Variants in GNG7 observed in about 807,000 individuals in gnomAD.
GNG7 encodes the protein guanine nucleotide-binding protein G(I)/G(S)/G(O) subunit gamma-7.
In GNG7, 1 loss-of-function variant was observed where a neutral mutation model predicts 4.0. The observed-to-expected ratio is 0.25, with a 90% CI of 0.09 to 1.18. The LOEUF (loss-of-function observed/expected upper bound fraction) is 1.18. GNG7 is among the 50% of genes most tolerant of loss of function. The pLI, the probability that GNG7 is intolerant of heterozygous loss-of-function variation, is 0.50. For synonymous variants in GNG7, 34 were observed against 36.9 expected (o/e 0.92, Z 0.29); for missense variants, 86 against 91.9 (o/e 0.94, Z 0.26).
chr19:2,538,637 A>G, intron 3 of GNG7: 1 of 439,584 alleles, frequency 2.3e-6, no homozygotes, highest in South Asian at 1.7e-5. Context: ...TCTTTAAAAA[A>G]ACACAATAGA....
intron 1 of GNG7, among the ~76,000 whole-genome samples, chr19:2,672,871 C>T (rs1408214731): frequency 1.3e-5 from 2 of 152,172 alleles, no homozygotes; most frequent in Admixed American, 1.3e-4. Context: ...GTGTTCTCCC[C>T]AGAGCCCTGA....
At chr19:2,518,745 G>T (rs1179670090) in intron 4 of GNG7, among the ~76,000 whole-genome samples, 1 of 152,128 alleles carries the variant, frequency 6.6e-6, no homozygotes, top group African/African-American at 2.4e-5. Context: ...TGATTTTATG[G>T]GTGCACTAGG....
At chr19:2,517,587 T>A (rs945727387) in intron 4 of GNG7, among the ~76,000 whole-genome samples, 17 of 151,874 alleles carry the variant, frequency 1.1e-4, no homozygotes, top group African/African-American at 3.9e-4. Flanking sequence ...CTGGTCTCAA[T>A]CTCCTGACCT....
chr19:2,673,028 G>A lies in GNG7; in HGVS notation c.-134-26748C>T, dbSNP rs928405209. On this transcript the variant is annotated intron_variant, in intron 1 of 4. Coordinates refer to ENST00000382159, the MANE Select transcript of GNG7 (RefSeq NM_052847.3). ...TCCCAGCACTTTGGGAGGCCGAGGCGGGCAGATCACAAGGTCAGGAGATCG... is the reference window on the plus strand; with the variant it reads ...TCCCAGCACTTTGGGAGGCCGAGGCAGGCAGATCACAAGGTCAGGAGATCG... 2.6e-5 allele frequency among the ~76,000 whole-genome samples: 4 copies of A among 151,760 alleles called. 1 individual carries two copies. Among genetic ancestry groups the A allele is most frequent in the Non-Finnish European group, 4.4e-5 (3 of 67,980 alleles).
At chr19:2,696,441 G>C (rs1028236644) in intron 1 of GNG7, among the ~76,000 whole-genome samples, 2 of 151,914 alleles carry the variant, frequency 1.3e-5, no homozygotes, top group Non-Finnish European at 2.9e-5. Context: ...AAGAAAGAAA[G>C]AGAAAGAAAG....
chr19:2,538,074 C>CAA (rs748916867), intron 3 of GNG7: 19 of 293,422 alleles, frequency 6.5e-5, no homozygotes, highest in Non-Finnish European at 1.1e-4. Flanking sequence ...AAGACTCTCT[C>CAA]TCAAACAAAA....
At chr19:2,677,670 G>C (rs575803966) in intron 1 of GNG7, among the ~76,000 whole-genome samples, 2 of 152,274 alleles carry the variant, frequency 1.3e-5, no homozygotes, top group African/African-American at 4.8e-5. Flanking sequence ...AACCTCAGGA[G>C]GACAGAGGAT....
intron 1 of GNG7, among the ~76,000 whole-genome samples, chr19:2,661,296 A>AAGAGAGAGAG (rs61275453): frequency 1.7e-5 from 1 of 58,594 alleles, no homozygotes; most frequent in East Asian, 5.4e-4. Flanking sequence ...GAAAGAAAGA[A>AAGAGAGAGAG]AGAAAGAGAA....
intron 2 of GNG7, among the ~76,000 whole-genome samples, chr19:2,572,894 C>A (rs1205356675): frequency 3.3e-5 from 5 of 151,898 alleles, no homozygotes; most frequent in African/African-American, 1.2e-4. Flanking sequence ...ACTGTGCTGG[C>A]TGAATTCCAG....
chr19:2,544,447 C>T (rs759368566), intron 3 of GNG7, among the ~76,000 whole-genome samples: 8 of 152,154 alleles, frequency 5.3e-5, no homozygotes, highest in Non-Finnish European at 7.4e-5. Flanking sequence ...TGCAGTGGCG[C>T]GATCTCGGCT....
At chr19:2,587,257 G>A (rs1053984909) in intron 2 of GNG7, among the ~76,000 whole-genome samples, 1 of 152,058 alleles carries the variant, frequency 6.6e-6, no homozygotes, top group Admixed American at 6.6e-5. Flanking sequence ...TAGGGTCTCT[G>A]CCTGGACCGA....
chr19:2,546,194 C>G lies in GNG7; in HGVS notation c.-38+8955G>C, dbSNP rs982847215. Among the ~76,000 whole-genome samples, 1 of 152,226 alleles carries G rather than the reference C, an allele frequency of 6.6e-6. No homozygotes were observed. Among genetic ancestry groups the G allele is most frequent in the Non-Finnish European group, 1.5e-5 (1 of 68,042 alleles). ...GAAATGGAAACTTCAATACAAGAGA[C>G]AGGTCTGAGACTGGCCACACCTGCT... On this transcript the variant is annotated intron_variant, in intron 3 of 4. Transcript: ENST00000382159. This position sits in a 1 kb window ranked among gnomAD's most constrained non-coding sequence, Gnocchi z 6.3.
chr19:2,650,954 G>A (rs1161691993), intron 1 of GNG7, among the ~76,000 whole-genome samples: 3 of 152,286 alleles, frequency 2.0e-5, no homozygotes, highest in Middle Eastern at 3.4e-3. Context: ...ATTTCAAGGC[G>A]CCAATAGCCC....
chr19:2,579,967 G>T (rs2144789971), intron 2 of GNG7, among the ~76,000 whole-genome samples: 1 of 152,268 alleles, frequency 6.6e-6, no homozygotes, highest in South Asian at 2.1e-4. Flanking sequence ...CCAGTTCTGG[G>T]GGCGCAGGTG....
chr19:2,658,972 AT>A (rs35180729), intron 1 of GNG7, among the ~76,000 whole-genome samples: 23,909 of 143,158 alleles, frequency 0.17, 2,453 homozygotes, highest in East Asian at 0.52. Context: ...AAGCGTTCTG[AT>A]TTTTTTTTTT....
chr19:2,524,336 T>C (rs567950960), intron 3 of GNG7, among the ~76,000 whole-genome samples: 1 of 152,310 alleles, frequency 6.6e-6, no homozygotes, highest in East Asian at 1.9e-4. Flanking sequence ...GCGCTGTGTG[T>C]GTGTGTCTAT....
intron 2 of GNG7, among the ~76,000 whole-genome samples, chr19:2,565,784 C>G (rs1979887696): frequency 1.3e-5 from 2 of 152,138 alleles, no homozygotes; most frequent in South Asian, 4.1e-4. Flanking sequence ...CCGGCCGAGT[C>G]CTACAGGAAG....
chr19:2,668,229 AAAAG>A (rs199888079), intron 1 of GNG7, among the ~76,000 whole-genome samples: 1,837 of 152,146 alleles, frequency 0.012, 25 homozygotes, highest in Middle Eastern at 0.078. Flanking sequence ...TCAAAAAAAA[AAAAG>A]AGACAGAGAG....
chr19:2,678,600 G>A (rs115078537), intron 1 of GNG7, among the ~76,000 whole-genome samples: 4 of 151,868 alleles, frequency 2.6e-5, no homozygotes, highest in Non-Finnish European at 4.4e-5. Flanking sequence ...AAATGCATAC[G>A]GTTTCAGTTT....
Sources: gnomAD v4.1 joint callset for allele counts (sites outside exome capture counted in the v4.1 genomes callset) on GRCh38, gnomAD v4.1.1 for gene constraint, Gnocchi (gnomAD v3.1) non-coding constraint, MANE v1.5 for transcripts, NCBI Gene and HGNC (gene_info 2026-07-23, HGNC 2026-07-21) for gene names.